FBN2: variants seen among roughly 807,000 people sequenced by gnomAD.
FBN2 encodes fibrillin 2, also known as fibrillin-2.
Under a neutral mutation model 355.6 loss-of-function variants are expected in FBN2, and 105 were observed. The ratio of observed to expected loss-of-function variants is 0.30; its 90% CI spans 0.25 to 0.35. The LOEUF (loss-of-function observed/expected upper bound fraction) is 0.35. Among genes scored for constraint, FBN2 ranks in the 10% least tolerant of loss-of-function variants. The pLI is 1.00. For missense variants in FBN2, 3,280 were observed against 3,758.7 expected (o/e 0.87, Z 3.33); for synonymous variants, 1,350 against 1,301.2 (o/e 1.04, Z -0.81).
Position 128,313,852 on chromosome 5 carries a change from C to CAAA in FBN2, c.4718-1060_4718-1058dup, listed in dbSNP as rs70997367. On this transcript the variant is annotated intron_variant, in intron 36 of 64. Transcript: ENST00000262464. ...TGGGCAACAGAGCGAGACTCTGTCTCAAAAAAAAAAAAAAAAAAAAAAAAC... is the reference window on the plus strand; with the variant it reads ...TGGGCAACAGAGCGAGACTCTGTCTCAAAAAAAAAAAAAAAAAAAAAAAAAAAC... Among the ~76,000 whole-genome samples, 154 of 47,938 alleles carry CAAA rather than the reference C, an allele frequency of 3.2e-3. 1 individual carries two copies. The highest frequency in any genetic ancestry group is 3.4e-3 in the Non-Finnish European group (95 of 27,568). 31.4% of individuals were successfully genotyped at this position (47,938 alleles called of 152,430 possible). A position where few individuals can be genotyped will look rare whatever the true frequency, so the allele number is the denominator to read the frequency against.
chr5:128,535,610 C>T (rs868703710), intron 2 of FBN2, among the ~76,000 whole-genome samples: 2 of 152,128 alleles, frequency 1.3e-5, no homozygotes, highest in African/African-American at 2.4e-5. Context: ...TCCCAGAGTC[C>T]GTGACTGTGA....
intron 19 of FBN2, among the ~76,000 whole-genome samples, chr5:128,358,743 A>C (rs42281): frequency 0.27 from 41,584 of 151,992 alleles, 6,678 homozygotes; most frequent in Admixed American, 0.4. Flanking sequence ...ACCATAAAAG[A>C]AGCAGATAAC....
chr5:128,454,549 G>A (rs574949104), intron 6 of FBN2, among the ~76,000 whole-genome samples: 1 of 152,228 alleles, frequency 6.6e-6, no homozygotes, highest in African/African-American at 2.4e-5. Context: ...CTATGTGGAA[G>A]GCTTGGAAAT....
Position 128,337,944 on chromosome 5 carries a change from T to C in FBN2, c.3598+53A>G, listed in dbSNP as rs1750889601. The C allele has an allele frequency of 1.2e-5, 19 of 1,604,078 alleles. No homozygotes were observed. In the South Asian group the frequency reaches 2.0e-4, roughly 17 times the overall value. On this transcript the variant is annotated intron_variant, in intron 27 of 64. Coordinates refer to ENST00000262464, the MANE Select transcript of FBN2 (RefSeq NM_001999.4). ...CAACAGGTTTGTCAGAACTGATCCC[T>C]GGTCTTTACCAGTTGTGCTGGGCAG...
intron 7 of FBN2, among the ~76,000 whole-genome samples, chr5:128,444,977 A>G (rs1054965789): frequency 3.9e-5 from 6 of 152,236 alleles, no homozygotes; most frequent in Non-Finnish European, 5.9e-5. Flanking sequence ...ACTTACAAAA[A>G]GCCAGGAGAA....
intron 7 of FBN2, among the ~76,000 whole-genome samples, chr5:128,409,766 A>G (rs956486937): frequency 6.6e-6 from 1 of 152,194 alleles, no homozygotes; most frequent in Non-Finnish European, 1.5e-5. Context: ...CTGAAAAGTC[A>G]AAATAAGCTG....
At chr5:128,298,799 G>A (rs1006105053) in intron 48 of FBN2, among the ~76,000 whole-genome samples, 22 of 152,066 alleles carry the variant, frequency 1.4e-4, no homozygotes, top group African/African-American at 4.8e-4. Context: ...CCCATAGCTC[G>A]GAGTAATTTG....
chr5:128,445,875 T>C (rs997132886), intron 7 of FBN2, among the ~76,000 whole-genome samples: 4 of 152,172 alleles, frequency 2.6e-5, no homozygotes, highest in African/African-American at 9.6e-5. Flanking sequence ...GAACTGCTAA[T>C]GGAATTTACA....
chr5:128,346,489 A>C (rs1233864532), intron 23 of FBN2, among the ~76,000 whole-genome samples: 1 of 152,262 alleles, frequency 6.6e-6, no homozygotes, highest in Non-Finnish European at 1.5e-5. Context: ...CCCTGATGGA[A>C]ATGTACACAT....
intron 54 of FBN2, 110 bp downstream of exon 54, chr5:128,287,198 T>C: frequency 8.0e-7 from 1 of 1,252,998 alleles, no homozygotes; most frequent in South Asian, 1.2e-5. Context: ...CTGTCATATA[T>C]ATATTTCTGT....
chr5:128,485,034 T>C (rs549245042), intron 5 of FBN2, among the ~76,000 whole-genome samples: 2 of 152,020 alleles, frequency 1.3e-5, no homozygotes, highest in African/African-American at 4.8e-5. Flanking sequence ...GGAAACTTTT[T>C]TTTTTTTGAG....
At chr5:128,442,518 G>A (rs1029383605) in intron 7 of FBN2, 2 of 324,176 alleles carry the variant, frequency 6.2e-6, no homozygotes, top group South Asian at 5.0e-5. Context: ...TGTTTGAACA[G>A]AGGAAGTTAA....
intron 64 of FBN2, 69 bp downstream of exon 64, chr5:128,261,667 T>G: frequency 6.9e-7 from 1 of 1,444,992 alleles, no homozygotes; most frequent in Non-Finnish European, 9.7e-7. Flanking sequence ...GAAAACGACG[T>G]GAACTGCACT....
chr5:128,471,978 T>C (rs750388296), intron 5 of FBN2, among the ~76,000 whole-genome samples: 24 of 152,110 alleles, frequency 1.6e-4, no homozygotes, highest in Non-Finnish European at 3.2e-4. Context: ...GGTATGAAAA[T>C]AGAAACAAAT....
At chr5:128,381,466 G>A (rs1752234185) in intron 11 of FBN2, among the ~76,000 whole-genome samples, 1 of 152,080 alleles carries the variant, frequency 6.6e-6, no homozygotes, top group African/African-American at 2.4e-5. Context: ...ATAGTTACTA[G>A]TGTTATCTTG....
In FBN2 at chr5:128,379,248, T is replaced by A. The variant is rs1158149974; in HGVS notation, c.1604-358A>T. 4.6e-5 allele frequency among the ~76,000 whole-genome samples: 7 copies of A among 152,254 alleles called. No homozygotes were observed. In the East Asian group the frequency reaches 1.3e-3, roughly 29 times the overall value. On this transcript the variant is annotated intron_variant, in intron 11 of 64. Coordinates refer to ENST00000262464, the MANE Select transcript of FBN2 (RefSeq NM_001999.4). ...GGCAAGTTAATAACCTCTCTAAGGCTTAGTAAAGTGCCAGAAGAACAATGA... is the reference window on the plus strand; with the variant it reads ...GGCAAGTTAATAACCTCTCTAAGGCATAGTAAAGTGCCAGAAGAACAATGA...
At chr5:128,365,252 C>T (rs1213925827) in intron 17 of FBN2, 5 of 157,486 alleles carry the variant, frequency 3.2e-5, no homozygotes, top group African/African-American at 4.8e-5. Context: ...TGCTTCAGAA[C>T]ATGACGTTTT....
At chr5:128,353,932 C>G (rs1751434756) in intron 20 of FBN2, among the ~76,000 whole-genome samples, 1 of 152,080 alleles carries the variant, frequency 6.6e-6, no homozygotes, top group Non-Finnish European at 1.5e-5. Context: ...TTGATAGCAC[C>G]CCGCACCCCC....
intron 7 of FBN2, among the ~76,000 whole-genome samples, chr5:128,414,537 T>C (rs1269510009): frequency 6.6e-6 from 1 of 152,202 alleles, no homozygotes; most frequent in Non-Finnish European, 1.5e-5. Flanking sequence ...CAATGAATAC[T>C]TGGGTTATTT....
Sources: allele counts gnomAD v4.1 joint callset (sites outside exome capture counted in the v4.1 genomes callset), GRCh38; gene constraint gnomAD v4.1.1; transcripts MANE v1.5; gene names NCBI Gene and HGNC (gene_info 2026-07-23, HGNC 2026-07-21).